Variants in ITGA2 observed in about 807,000 individuals in gnomAD.
The protein encoded by ITGA2 is integrin subunit alpha 2.
Under a neutral mutation model 146.3 loss-of-function variants are expected in ITGA2, and 101 were observed. The ratio of observed to expected loss-of-function variants is 0.69; its 90% confidence interval spans 0.59 to 0.81. ITGA2 has a LOEUF of 0.81. ITGA2 is among the 40% of genes least tolerant of loss of function. The pLI, the probability that ITGA2 is intolerant of heterozygous loss-of-function variation, is 0.00. For missense variants in ITGA2, 1,281 were observed against 1,402.7 expected (o/e 0.91, Z 1.39); for synonymous variants, 477 against 487.1 (o/e 0.98, Z 0.27).
chr5:53,075,078 C>T lies in ITGA2; in HGVS notation c.2682C>T (p.Asn894=). The change falls in exon 22 of 30, where the codon AAC becomes AAT. Residue 894 remains asparagine (N), a synonymous_variant. Coordinates refer to ENST00000296585, the MANE Select transcript of ITGA2 (RefSeq NM_002203.4). ...GTCTTTAGGTGACTTTTACTATTAA[C>T]TTTGACTTCAATCTTCAAAACCTTC... ...KREQQVTFTI[N]FDFNLQNLQN... is the part of the protein sequence containing the mutation. 1.2e-6 allele frequency: 2 copies of T among 1,610,632 alleles called. No individual in the cohort carries two copies. The highest frequency in any genetic ancestry group is 1.7e-6 in the Non-Finnish European group (2 of 1,178,048).
In ITGA2 at chr5:52,991,559, T is replaced by C. The variant is rs540714230; in HGVS notation, c.64+2027T>C. The stretch of plus-strand genomic sequence containing the variant: ...TTAAATTAAGAGAAAACCTGTTCCT[T>C]GAGTATACAATATGCCGTGTTATGT... On this transcript the variant is annotated intron_variant, in intron 1 of 29. Transcript: ENST00000296585. 1.7e-3 allele frequency among the ~76,000 whole-genome samples: 257 copies of C among 152,286 alleles called. 2 individuals are homozygous for C. Among genetic ancestry groups the C allele is most frequent in the African/African-American group, 5.8e-3 (241 of 41,560 alleles).
chr5:53,034,959 G>C (rs1032358777), intron 2 of ITGA2, among the ~76,000 whole-genome samples: 12 of 152,178 alleles, frequency 7.9e-5, no homozygotes, highest in African/African-American at 2.4e-4. Context: ...CTTTCACTTA[G>C]ACCCTTGAAG....
intron 28 of ITGA2, among the ~76,000 whole-genome samples, chr5:53,087,852 C>T (rs1740176807): frequency 6.6e-6 from 1 of 152,192 alleles, no homozygotes; most frequent in Non-Finnish European, 1.5e-5. Flanking sequence ...AAGAGTCTGC[C>T]CCCAAGGCCA....
At chr5:52,998,429 T>A (rs1332309532) in intron 1 of ITGA2, among the ~76,000 whole-genome samples, 2 of 152,148 alleles carry the variant, frequency 1.3e-5, no homozygotes, top group Admixed American at 1.3e-4. Flanking sequence ...CACTTCAGCC[T>A]AGGTGACAGA....
At chr5:53,035,661 G>A (rs965065659) in intron 2 of ITGA2, among the ~76,000 whole-genome samples, 3 of 152,084 alleles carry the variant, frequency 2.0e-5, no homozygotes, top group Non-Finnish European at 4.4e-5. Context: ...TCCCAGAGAC[G>A]GGCAGCCTTC....
At chr5:53,016,548 C>T (rs144328383) in intron 1 of ITGA2, among the ~76,000 whole-genome samples, 10 of 152,104 alleles carry the variant, frequency 6.6e-5, no homozygotes, top group South Asian at 2.1e-4. Flanking sequence ...TTGGAGAATC[C>T]GATGACTATG....
rs1377282499 is a variant in ITGA2, at chr5:53,080,573, CAAAGA to C, written c.2998_3002del (p.Lys1000ProfsTer15). ...TAATCATCCACATCCCTCAGTATAC[CAAAGA>C]AAAGAACCCACTGATGTACCTAACT... On this transcript the variant is annotated frameshift_variant, in exon 25 of 30. Coordinates refer to ENST00000296585, the MANE Select transcript of ITGA2 (RefSeq NM_002203.4). LOFTEE classifies it high-confidence loss of function. 2 of 1,613,468 alleles carry C rather than the reference CAAAGA, an allele frequency of 1.2e-6. No homozygotes were observed. The highest frequency in any genetic ancestry group is 2.2e-5 in the East Asian group (1 of 44,844).
chr5:52,998,914 A>G (rs1741431194), intron 1 of ITGA2, among the ~76,000 whole-genome samples: 1 of 152,224 alleles, frequency 6.6e-6, no homozygotes, highest in Non-Finnish European at 1.5e-5. Context: ...AGTATATGCA[A>G]AAATAATTCT....
In ITGA2 at chr5:53,074,425, A is replaced by C. The variant is rs745575090; in HGVS notation, c.2612A>C (p.Gln871Pro). Residue 871 changes from glutamine (Q) to proline (P), a missense_variant, in exon 21 of 30, where the codon CAG becomes CCG. By Grantham distance (76) the Gln-to-Pro change is moderately conservative (BLOSUM62 -1). This residue lies in a region of ITGA2 where 475 missense variants were observed against 530.5 expected (regional missense o/e 0.90). Coordinates refer to ENST00000296585, the MANE Select transcript of ITGA2 (RefSeq NM_002203.4). ...GTAACATGCCAGGTGGCTGCATCTCAGAAGTCTGTTGCCTGCGATGTAGGC... is the reference window on the plus strand; with the variant it reads ...GTAACATGCCAGGTGGCTGCATCTCCGAAGTCTGTTGCCTGCGATGTAGGC... ...TEVTCQVAAS[Q>P]KSVACDVGYP... The C allele has an allele frequency of 8.7e-6, 14 of 1,612,394 alleles. No individual in the cohort carries two copies. The South Asian group carries it at 1.3e-4, about 15-fold the overall frequency.
At chr5:53,049,979 G>A (rs1422242072) in intron 6 of ITGA2, among the ~76,000 whole-genome samples, 9 of 152,164 alleles carry the variant, frequency 5.9e-5, no homozygotes, top group African/African-American at 2.2e-4. Flanking sequence ...AGTACCAAGA[G>A]TATCTCAATA....
rs1341320392 is a variant in ITGA2 at position 53,072,669 on chromosome 5, A to G, written c.2403A>G (p.Leu801=). 6.2e-7 allele frequency: 1 copy of G among 1,610,658 alleles called. No individual in the cohort carries two copies. The highest frequency in any genetic ancestry group is 1.1e-5 in the South Asian group (1 of 90,888). The change falls in exon 19 of 30, where the codon CTA becomes CTG. Residue 801 remains leucine (L), a synonymous_variant. Coordinates refer to ENST00000296585, the MANE Select transcript of ITGA2 (RefSeq NM_002203.4). ...GACTTTGCATTTCTGATCTAGTCCT[A>G]GATGTCCGACAAATACCAGCTGCTC... ...EDGLCISDLV[L]DVRQIPAAQE... is the part of the protein sequence containing the mutation.
chr5:53,075,564 T>G (rs937963136), intron 23 of ITGA2, among the ~76,000 whole-genome samples: 2 of 152,026 alleles, frequency 1.3e-5, no homozygotes, highest in African/African-American at 4.8e-5. Flanking sequence ...ACAGGCACAC[T>G]CCACATTGCA....
At chr5:53,020,790 A>T (rs1036030758) in intron 1 of ITGA2, among the ~76,000 whole-genome samples, 7 of 150,870 alleles carry the variant, frequency 4.6e-5, no homozygotes, top group South Asian at 2.1e-4. Context: ...CAAGTGATTA[A>T]CCTGCCTCAG....
intron 1 of ITGA2, 53 bp downstream of exon 1, chr5:52,989,585 C>T: frequency 6.3e-7 from 1 of 1,590,506 alleles, no homozygotes; most frequent in Non-Finnish European, 8.6e-7. Context: ...GCGCGGCTTC[C>T]TGGGGCTCGC....
chr5:53,090,461 G>C, intron 29 of ITGA2, 58 bp from the exon 30 acceptor site: 4 of 1,483,540 alleles, frequency 2.7e-6, no homozygotes, highest in Non-Finnish European at 3.8e-6. Flanking sequence ...AAGGGGGTCA[G>C]AGGCACCTTA....
intron 12 of ITGA2, 48 bp from the exon 13 acceptor site, chr5:53,062,738 G>A (rs745846324): frequency 6.4e-7 from 1 of 1,574,496 alleles, no homozygotes; most frequent in Non-Finnish European, 8.7e-7. Flanking sequence ...AATATTAGAA[G>A]TATATGAATC....
At position 53,048,362 on chromosome 5, in the gene ITGA2, G is replaced by A; in HGVS notation, c.388-1G>A. On this transcript the variant is annotated splice_acceptor_variant, in intron 4 of 29. Coordinates refer to ENST00000296585, the MANE Select transcript of ITGA2 (RefSeq NM_002203.4). LOFTEE classifies it high-confidence loss of function. ...TTGATTGTTTTCTCATTTCTTTGAAGACATGTGGTCCTCTGTGGGCACAGC... is the reference window on the plus strand; with the variant it reads ...TTGATTGTTTTCTCATTTCTTTGAAAACATGTGGTCCTCTGTGGGCACAGC... The A allele has an allele frequency of 6.2e-7, 1 of 1,610,590 alleles. No homozygotes were observed. The highest frequency in any genetic ancestry group is 1.3e-5 in the African/African-American group (1 of 74,980).
chr5:53,040,391 G>T (rs1743728866), intron 2 of ITGA2, among the ~76,000 whole-genome samples: 1 of 152,114 alleles, frequency 6.6e-6, no homozygotes, highest in Non-Finnish European at 1.5e-5. Context: ...TCTTGGTACC[G>T]ACTCTATAAG....
chr5:53,090,139 A>C, intron 29 of ITGA2, 77 bp downstream of exon 29: 2 of 872,416 alleles, frequency 2.3e-6, no homozygotes, highest in Non-Finnish European at 2.0e-6. Context: ...CATCAACTTC[A>C]GGTTTTATAT....
Sources: allele counts gnomAD v4.1 joint callset (sites outside exome capture counted in the v4.1 genomes callset), GRCh38; gene constraint gnomAD v4.1.1; regional missense constraint gnomAD v4.1.1; transcripts MANE v1.5; gene names NCBI Gene and HGNC (gene_info 2026-07-23, HGNC 2026-07-21).